Variants in APOO observed in about 807,000 individuals in gnomAD.
APOO encodes the protein MICOS complex subunit MIC26.
APOO carries 11 observed loss-of-function variants against 23.1 expected under a neutral mutation model. That is an observed-to-expected ratio of 0.48 (90% CI 0.30 to 0.79). The LOEUF is 0.79. Ranked by LOEUF, APOO falls within the 30% of genes least tolerant of loss-of-function variation. The probability of loss-of-function intolerance (pLI) is 0.07; values close to 1 mark genes in which losing one functional copy is unlikely to be tolerated. For synonymous variants in APOO, 59 were observed against 54.8 expected (o/e 1.08, Z -0.34); for missense variants, 160 against 142.7 (o/e 1.12, Z -0.62).
At chrX:23,855,572 T>G (rs1445392951) in intron 7 of APOO, among the ~76,000 whole-genome samples, 1 of 111,655 alleles carries the variant, frequency 9.0e-6, no homozygotes, top group Non-Finnish European at 1.9e-5. Context: ...AGAAGTCTAA[T>G]TCTTCCTTAG....
chrX:23,859,925 T>G (rs1029881049), intron 5 of APOO, among the ~76,000 whole-genome samples: 1 of 111,539 alleles, frequency 9.0e-6, no homozygotes, highest in African/African-American at 3.3e-5. Context: ...TGTTCTTTTA[T>G]AGCAATCTGG....
chrX:23,883,152 T>C (rs955312263), intron 1 of APOO, among the ~76,000 whole-genome samples: 2 of 110,856 alleles, frequency 1.8e-5, no homozygotes, highest in Non-Finnish European at 3.8e-5. Flanking sequence ...AAGGGCGTGG[T>C]CCCTGGCTAG....
intron 5 of APOO, among the ~76,000 whole-genome samples, chrX:23,864,828 T>C (rs1335894242): frequency 9.0e-6 from 1 of 111,561 alleles, no homozygotes; most frequent in South Asian, 3.7e-4. Flanking sequence ...TATCCCTGCA[T>C]ATGGCCCCTC....
At chrX:23,838,771 T>C (rs1186383595) in intron 8 of APOO, among the ~76,000 whole-genome samples, 1 of 111,436 alleles carries the variant, frequency 9.0e-6, no homozygotes, top group Non-Finnish European at 1.9e-5. Context: ...CCAACACGAA[T>C]CACTTTTATA....
At chrX:23,898,054 T>A (rs1281718838) in intron 1 of APOO, among the ~76,000 whole-genome samples, 2 of 100,374 alleles carry the variant, frequency 2.0e-5, no homozygotes, top group African/African-American at 6.9e-5. Flanking sequence ...TGGCTCTGTC[T>A]CAAAAAAAAA....
chrX:23,881,150 C>T (rs1926104786), intron 1 of APOO, among the ~76,000 whole-genome samples, 198 bp from the exon 2 acceptor site: 1 of 110,616 alleles, frequency 9.0e-6, no homozygotes, highest in Non-Finnish European at 1.9e-5. Flanking sequence ...TCTCAGCTCA[C>T]TGCAACCTCC....
At chrX:23,886,875 G>A (rs1926389044) in intron 1 of APOO, among the ~76,000 whole-genome samples, 1 of 111,369 alleles carries the variant, frequency 9.0e-6, no homozygotes, top group Admixed American at 9.7e-5. Flanking sequence ...GAGTATTCAG[G>A]CCAACCTATT....
intron 1 of APOO, among the ~76,000 whole-genome samples, chrX:23,889,806 C>T (rs753725144): frequency 5.5e-5 from 6 of 109,341 alleles, no homozygotes; most frequent in East Asian, 2.9e-4. Context: ...GGACTACAGG[C>T]ACCAGCCACC....
At chrX:23,899,885 C>T (rs1927055332) in intron 1 of APOO, among the ~76,000 whole-genome samples, 1 of 112,335 alleles carries the variant, frequency 8.9e-6, no homozygotes, top group Non-Finnish European at 1.9e-5. Context: ...TAAACCTTTA[C>T]GTCATAAAAG....
chrX:23,897,265 T>C (rs1009016653), intron 1 of APOO, among the ~76,000 whole-genome samples: 1 of 112,414 alleles, frequency 8.9e-6, no homozygotes, highest in East Asian at 2.8e-4. Flanking sequence ...TCTTTAAAGA[T>C]AGCGATTAGA....
intron 4 of APOO, among the ~76,000 whole-genome samples, chrX:23,869,823 G>A (rs1925523256): frequency 9.4e-6 from 1 of 106,872 alleles, no homozygotes; most frequent in Non-Finnish European, 1.9e-5. Flanking sequence ...GTGGTGGCAC[G>A]CTCCTGTAAT....
chrX:23,847,845 A>G (rs1472684019), intron 7 of APOO, among the ~76,000 whole-genome samples: 1 of 103,912 alleles, frequency 9.6e-6, no homozygotes, highest in Non-Finnish European at 2.0e-5. Context: ...ATATATATCC[A>G]TCTCTATATA....
intron 1 of APOO, among the ~76,000 whole-genome samples, chrX:23,897,185 T>C (rs188514657): frequency 8.0e-5 from 9 of 112,167 alleles, no homozygotes; most frequent in Non-Finnish European, 1.3e-4. Context: ...CTTTGGAGGG[T>C]AGAATTCACC....
chrX:23,840,288 A>G, intron 8 of APOO, 25 bp downstream of exon 8: 1 of 1,045,202 alleles, frequency 9.6e-7, no homozygotes, highest in Non-Finnish European at 1.3e-6. Context: ...GCTGAAAATA[A>G]TCACAGAAAT....
intron 1 of APOO, among the ~76,000 whole-genome samples, chrX:23,898,277 T>G (rs2147048702): frequency 9.2e-6 from 1 of 109,243 alleles, no homozygotes; most frequent in African/African-American, 3.3e-5. Context: ...TTTTGCATTT[T>G]TTGTAGAGAC....
At chrX:23,896,907 G>A (rs189229926) in intron 1 of APOO, among the ~76,000 whole-genome samples, 249 of 108,740 alleles carry the variant, frequency 2.3e-3, no homozygotes, top group Non-Finnish European at 3.9e-3. Flanking sequence ...CTCCCAAAGC[G>A]CTGGGATTAC....
At chrX:23,848,094 C>G (rs1487606002) in intron 7 of APOO, among the ~76,000 whole-genome samples, 1 of 107,598 alleles carries the variant, frequency 9.3e-6, no homozygotes, top group Non-Finnish European at 1.9e-5. Context: ...AGGATGGTCT[C>G]GATCTCCTGA....
At chrX:23,883,690 CCTA>C (rs1468968009) in intron 1 of APOO, 1 of 111,978 alleles carries the variant, frequency 8.9e-6, no homozygotes, top group Non-Finnish European at 1.9e-5. Flanking sequence ...ACACAAGCTG[CCTA>C]CTGACAGCAA....
intron 4 of APOO, among the ~76,000 whole-genome samples, chrX:23,869,286 C>A (rs1925492364): frequency 9.0e-6 from 1 of 111,268 alleles, no homozygotes; most frequent in African/African-American, 3.3e-5. Flanking sequence ...CTTTCATATT[C>A]CTGAAAGCAA....
Sources: allele counts gnomAD v4.1 joint callset (sites outside exome capture counted in the v4.1 genomes callset), GRCh38; gene constraint gnomAD v4.1.1; transcripts MANE v1.5; gene names NCBI Gene and HGNC (gene_info 2026-07-23, HGNC 2026-07-21).